DOCK8: variants seen among roughly 807,000 people sequenced by gnomAD.
DOCK8 encodes dedicator of cytokinesis 8, also known as dedicator of cytokinesis protein 8.
In DOCK8, 141 loss-of-function variants were observed where a neutral mutation model predicts 245.6. The ratio of observed to expected loss-of-function variants is 0.57; its 90% CI spans 0.50 to 0.66. The LOEUF is 0.66. DOCK8 is among the 30% of genes least tolerant of loss of function. The pLI is 0.00. For synonymous variants in DOCK8, 1,168 were observed against 970.2 expected (o/e 1.20, Z -3.79); for missense variants, 2,965 against 2,603.4 (o/e 1.14, Z -3.02).
chr9:217,003 G>T (rs1237523242), intron 1 of DOCK8, among the ~76,000 whole-genome samples: 1 of 152,166 alleles, frequency 6.6e-6, no homozygotes, highest in Non-Finnish European at 1.5e-5. Flanking sequence ...GTGCCAAGTA[G>T]AGTTGATCAT....
chr9:348,833 C>T (rs984482927), intron 14 of DOCK8, among the ~76,000 whole-genome samples: 26 of 152,116 alleles, frequency 1.7e-4, no homozygotes, highest in African/African-American at 3.4e-4. Flanking sequence ...TTGTGGGGGA[C>T]GCTATTTTGC....
At chr9:232,812 G>T (rs182209783) in intron 1 of DOCK8, among the ~76,000 whole-genome samples, 25 of 152,080 alleles carry the variant, frequency 1.6e-4, no homozygotes, top group East Asian at 5.8e-4. Flanking sequence ...TCTTGCTAGC[G>T]GTCTATCAAT....
chr9:433,099 T>C (rs1415722053), intron 37 of DOCK8, among the ~76,000 whole-genome samples: 1 of 152,236 alleles, frequency 6.6e-6, no homozygotes, highest in Non-Finnish European at 1.5e-5. Context: ...TCTCAGAATC[T>C]TTTTCCTCTC....
intron 2 of DOCK8, among the ~76,000 whole-genome samples, chr9:276,447 C>T (rs2048350324): frequency 6.7e-6 from 1 of 149,060 alleles, no homozygotes; most frequent in Non-Finnish European, 1.5e-5. Context: ...CTATAAATAT[C>T]AGGTCTGATG....
intron 1 of DOCK8, among the ~76,000 whole-genome samples, chr9:236,111 A>G (rs1192915533): frequency 6.6e-6 from 1 of 152,114 alleles, no homozygotes; most frequent in South Asian, 2.1e-4. Context: ...GCTTGGTGTC[A>G]TGGCCCCCAA....
At chr9:327,214 C>T (rs2050803815) in intron 8 of DOCK8, among the ~76,000 whole-genome samples, 16 of 152,168 alleles carry the variant, frequency 1.1e-4, no homozygotes. Context: ...CCACCCCTGC[C>T]TATCAGAATC....
intron 14 of DOCK8, among the ~76,000 whole-genome samples, chr9:352,740 C>CAACAAAA (rs369752899): frequency 7.1e-6 from 1 of 141,466 alleles, no homozygotes; most frequent in Non-Finnish European, 1.5e-5. Context: ...GACTCTGTCT[C>CAACAAAA]AAAAAAAAAG....
At position 382,703 on chromosome 9, in the gene DOCK8, C is replaced by A; in HGVS notation, c.2778+18C>A. On this transcript the variant is annotated intron_variant, in intron 22 of 47. Coordinates refer to ENST00000432829, the MANE Select transcript of DOCK8 (RefSeq NM_203447.4). ...CTTCAAAGGTAGGAAAGATGTCAAA[C>A]CGTGGAAGGGGACACAGGCTTTTTT... The A allele has an allele frequency of 6.2e-7, 1 of 1,613,972 alleles. No individual in the cohort carries two copies. The highest frequency in any genetic ancestry group is 8.5e-7 in the Non-Finnish European group (1 of 1,179,970).
At chr9:344,965 T>G (rs748131250) in intron 14 of DOCK8, among the ~76,000 whole-genome samples, 1 of 151,988 alleles carries the variant, frequency 6.6e-6, no homozygotes, top group African/African-American at 2.4e-5. Flanking sequence ...GGCGGGAGAA[T>G]CGCTTGAACC....
chr9:311,807 T>C (rs1028775839), intron 5 of DOCK8, 147 bp from the exon 6 acceptor site: 22 of 979,740 alleles, frequency 2.2e-5, no homozygotes, highest in African/African-American at 3.2e-5. Context: ...GTCATTCTTA[T>C]CAAATCCGCA....
intron 44 of DOCK8, among the ~76,000 whole-genome samples, chr9:447,507 T>C (rs560298059): frequency 1.3e-5 from 2 of 152,194 alleles, no homozygotes; most frequent in East Asian, 3.8e-4. Context: ...GTTTATGATG[T>C]TTTTCTCCCC....
intron 2 of DOCK8, among the ~76,000 whole-genome samples, chr9:275,050 G>A (rs140801245): frequency 7.9e-5 from 12 of 152,330 alleles, no homozygotes; most frequent in East Asian, 1.9e-4. Context: ...CTGGGATGAG[G>A]TACAGTTGTC....
chr9:282,012 G>T (rs75730475), intron 2 of DOCK8, among the ~76,000 whole-genome samples: 1 of 152,198 alleles, frequency 6.6e-6, no homozygotes, highest in African/African-American at 2.4e-5. Flanking sequence ...TTCAGACCTC[G>T]AGAGTTTATG....
chr9:336,599 G>A lies in DOCK8; in HGVS notation c.1303G>A (p.Glu435Lys). Residue 435 changes from glutamate to lysine, a missense_variant, in exon 12 of 48, where the codon GAA (glutamate) becomes AAA (lysine). By Grantham distance (56) the Glu-to-Lys change is moderately conservative. Around this residue, in one of 3 missense-constraint regions of DOCK8, gnomAD observed 2,825 missense variants for 2,453.5 expected, o/e 1.15. Transcript: ENST00000432829. Reference protein sequence around the residue: ...DSVVGRSSVGERRTLAQSRRL... With the variant: ...DSVVGRSSVGKRRTLAQSRRL... ...TCTTAAAGGGAGAAGCTCAGTGGGT[G>A]AACGGAGGACATTGGCCCAATCTAG... The A allele has an allele frequency of 6.2e-7, 1 of 1,614,210 alleles. No individual in the cohort carries two copies. Among genetic ancestry groups the A allele is most frequent in the Non-Finnish European group, 8.5e-7 (1 of 1,180,022 alleles).
intron 36 of DOCK8, among the ~76,000 whole-genome samples, chr9:431,550 C>T (rs758839870): frequency 7.9e-5 from 12 of 152,138 alleles, no homozygotes; most frequent in East Asian, 1.9e-4. Flanking sequence ...GCTCTGTCAC[C>T]GTGGCTGGAG....
chr9:413,742 A>C (rs1427010416), intron 28 of DOCK8, among the ~76,000 whole-genome samples: 5 of 152,246 alleles, frequency 3.3e-5, no homozygotes, highest in Admixed American at 3.3e-4. Context: ...TAAAAAAGAC[A>C]GGTAATAAAG....
At position 398,273 on chromosome 9, in the gene DOCK8, T is replaced by C. The variant is rs887184549; in HGVS notation, c.3121-873T>C. ...CCAGGAGGAGTGGCCATGTGGAGAATGCGGAGAGAGTTCGAGGACCTCTCA... is the reference window on the plus strand; with the variant it reads ...CCAGGAGGAGTGGCCATGTGGAGAACGCGGAGAGAGTTCGAGGACCTCTCA... On this transcript the variant is annotated intron_variant, in intron 25 of 47. Coordinates refer to ENST00000432829, the MANE Select transcript of DOCK8 (RefSeq NM_203447.4). Among the ~76,000 whole-genome samples, 6 of 152,338 alleles carry C rather than the reference T, an allele frequency of 3.9e-5. 1 individual carries two copies. The South Asian group carries it at 8.3e-4, about 21-fold the overall frequency.
intron 18 of DOCK8, among the ~76,000 whole-genome samples, chr9:375,576 C>G (rs1000687616): frequency 2.6e-5 from 4 of 152,128 alleles, no homozygotes; most frequent in Non-Finnish European, 4.4e-5. Flanking sequence ...ATTTTAATTC[C>G]TAGAATCCAG....
intron 28 of DOCK8, among the ~76,000 whole-genome samples, chr9:408,886 ACG>A (rs1554696076): frequency 9.9e-5 from 12 of 121,034 alleles, no homozygotes; most frequent in African/African-American, 3.3e-4. Flanking sequence ...ACACACACAC[ACG>A]CACACACGCG....
Sources: gnomAD v4.1 joint callset for allele counts (sites outside exome capture counted in the v4.1 genomes callset) on GRCh38, gnomAD v4.1.1 for gene constraint, gnomAD v4.1.1 regional missense constraint, MANE v1.5 for transcripts, NCBI Gene and HGNC (gene_info 2026-07-23, HGNC 2026-07-21) for gene names.